PRLR: variants seen among roughly 807,000 people sequenced by gnomAD.
The protein encoded by PRLR is prolactin receptor, also known as hPRL receptor.
A neutral mutation model predicts 40.2 loss-of-function variants in PRLR; 13 were observed. That is an observed-to-expected ratio of 0.32 (90% CI 0.21 to 0.51). The LOEUF (loss-of-function observed/expected upper bound fraction) is 0.51. Among genes scored for constraint, PRLR ranks in the 20% least tolerant of loss-of-function variants. PRLR has a pLI of 0.97. For missense variants in PRLR, 656 were observed against 747.3 expected (o/e 0.88, Z 1.42); for synonymous variants, 269 against 278.7 (o/e 0.97, Z 0.35).
At chr5:35,109,294 G>T (rs1322503772) in intron 2 of PRLR, among the ~76,000 whole-genome samples, 3 of 152,144 alleles carry the variant, frequency 2.0e-5, no homozygotes, top group African/African-American at 7.2e-5. Context: ...TACCATTCAG[G>T]ATATAGGCAT....
At chr5:35,086,165 A>C (rs1030233149) in intron 4 of PRLR, 43 bp downstream of exon 4, 3 of 1,608,012 alleles carry the variant, frequency 1.9e-6, no homozygotes, top group Non-Finnish European at 2.6e-6. Context: ...GGAGAATGGG[A>C]GTACTCATGT....
chr5:35,160,189 AT>A (rs1774635076), intron 1 of PRLR, among the ~76,000 whole-genome samples: 1 of 152,268 alleles, frequency 6.6e-6, no homozygotes. Flanking sequence ...GTTGAAAACA[AT>A]TAAAAATGAA....
chr5:35,131,328 TAGGTTCAAG>T (rs796541909), intron 1 of PRLR, among the ~76,000 whole-genome samples: 12 of 152,192 alleles, frequency 7.9e-5, no homozygotes, highest in African/African-American at 2.9e-4. Flanking sequence ...GGGATGGCAC[TAGGTTCAAG>T]AGGCTGAAGA....
At chr5:35,117,587 A>T (rs896508808) in intron 2 of PRLR, among the ~76,000 whole-genome samples, 1 of 152,222 alleles carries the variant, frequency 6.6e-6, no homozygotes, top group Non-Finnish European at 1.5e-5. Context: ...CCTGTCACAC[A>T]TGAGTCCTGC....
chr5:35,178,737 CCAT>C (rs1043941623), intron 1 of PRLR, among the ~76,000 whole-genome samples: 15 of 152,028 alleles, frequency 9.9e-5, no homozygotes, highest in African/African-American at 3.1e-4. Context: ...TTTAGAAATA[CCAT>C]ATTTTTTAAA....
intron 1 of PRLR, 146 bp downstream of exon 1, chr5:35,230,122 C>G (rs1776661299): frequency 6.6e-6 from 1 of 152,180 alleles, no homozygotes. Flanking sequence ...TGGCTCCTGG[C>G]TGGCGTTCTC....
chr5:35,108,135 C>T (rs764705216), intron 2 of PRLR, among the ~76,000 whole-genome samples: 1 of 152,178 alleles, frequency 6.6e-6, no homozygotes, highest in Non-Finnish European at 1.5e-5. Flanking sequence ...ACATGATTAT[C>T]TCAATAGATG....
At chr5:35,144,140 A>C (rs1032990407) in intron 1 of PRLR, among the ~76,000 whole-genome samples, 1 of 151,578 alleles carries the variant, frequency 6.6e-6, no homozygotes, top group Middle Eastern at 3.2e-3. Context: ...AAAAAAAAAA[A>C]AACCCAGAAC....
chr5:35,221,658 A>C (rs892129961), intron 1 of PRLR, among the ~76,000 whole-genome samples: 1 of 152,224 alleles, frequency 6.6e-6, no homozygotes, highest in Admixed American at 6.5e-5. Context: ...ACGAATGTCC[A>C]GGCCCCTTCC....
intron 1 of PRLR, among the ~76,000 whole-genome samples, chr5:35,197,923 T>G (rs1775780338): frequency 6.6e-6 from 1 of 152,044 alleles, no homozygotes; most frequent in African/African-American, 2.4e-5. Flanking sequence ...GCCCAAGGAG[T>G]GATGCCCATC....
intron 3 of PRLR, 84 bp from the exon 4 acceptor site, chr5:35,086,424 T>C: frequency 1.3e-6 from 2 of 1,523,148 alleles, no homozygotes; most frequent in Admixed American, 1.8e-5. Context: ...AACAGATTGA[T>C]GGACCAAAGC....
At chr5:35,079,153 A>C (rs1579594835) in intron 5 of PRLR, among the ~76,000 whole-genome samples, 2 of 152,256 alleles carry the variant, frequency 1.3e-5, no homozygotes, top group Admixed American at 1.3e-4. Flanking sequence ...GTCACAAGAC[A>C]GGGATGCCAT....
intron 2 of PRLR, among the ~76,000 whole-genome samples, chr5:35,098,127 C>T (rs1284740265): frequency 6.6e-6 from 1 of 152,200 alleles, no homozygotes; most frequent in Non-Finnish European, 1.5e-5. Flanking sequence ...TATCCCACCT[C>T]AATCACTTTG....
At position 35,065,548 on chromosome 5, in the gene PRLR, C is replaced by G. The variant is rs62355478; in HGVS notation, c.1410G>C (p.Glu470Asp). ...KSSQTIKSREEGKATQQREVE... is the reference protein window; with the variant it reads ...KSSQTIKSREDGKATQQREVE... ...CCTCCCTCTGCTGGGTTGCCTTTCC[C>G]TCTTCTCTAGACTTAATGGTTTGAG... The change falls in exon 10 of 10, where the codon GAG (glutamate) becomes GAC (aspartate). Residue 470 changes from glutamate (E) to aspartate (D), a missense_variant. Around this residue, in one of 3 missense-constraint regions of PRLR, gnomAD observed 469 missense variants for 491.5 expected, o/e 0.95. Transcript: ENST00000618457. The G allele has an allele frequency of 1.2e-6, 2 of 1,614,136 alleles. No homozygotes were observed. The highest frequency in any genetic ancestry group is 2.2e-5 in the South Asian group (2 of 91,076).
chr5:35,172,365 T>C (rs1775024317), intron 1 of PRLR, among the ~76,000 whole-genome samples: 1 of 152,130 alleles, frequency 6.6e-6, no homozygotes, highest in Admixed American at 6.5e-5. Context: ...CAGGGAGGCT[T>C]GGTAGGAGGT....
rs372649639 is a variant in PRLR, at chr5:35,065,520, C to T, written c.1438G>A (p.Glu480Lys). 1 of 1,614,044 alleles carries T rather than the reference C, an allele frequency of 6.2e-7. No individual in the cohort carries two copies. Among genetic ancestry groups the T allele is most frequent in the Non-Finnish European group, 8.5e-7 (1 of 1,180,042 alleles). Residue 480 changes from glutamate to lysine, a missense_variant, in exon 10 of 10, where the codon GAA becomes AAA. Around this residue, in one of 3 missense-constraint regions of PRLR, gnomAD observed 469 missense variants for 491.5 expected, o/e 0.95. Coordinates refer to ENST00000618457, the MANE Select transcript of PRLR (RefSeq NM_000949.7). ...EGKATQQREV[E>K]SFHSETDQDT... is the part of the protein sequence containing the mutation. Reference sequence around the variant, plus strand: ...TGGTCAGTCTCAGAATGGAAGCTTTCTACCTCCCTCTGCTGGGTTGCCTTT... The same window carrying T: ...TGGTCAGTCTCAGAATGGAAGCTTTTTACCTCCCTCTGCTGGGTTGCCTTT...
In PRLR at chr5:35,061,350, A is replaced by G. The variant is rs958438941; in HGVS notation, c.*3739T>C. The G allele has an allele frequency of 1.3e-5, 2 of 152,188 alleles. No homozygotes were observed. The highest frequency in any genetic ancestry group is 4.8e-5 in the African/African-American group (2 of 41,440). The allele number at this position is 152,188 out of a possible 1,614,324, so 9.4% of individuals were successfully genotyped here. A position where few individuals can be genotyped will look rare whatever the true frequency, so the allele number is the denominator to read the frequency against. ...GACACTTGAGGAAAGAGAAAGCCAG[A>G]GTTTCCCCAGAGCTAAACTGCAACT... On this transcript the variant is annotated 3_prime_UTR_variant, in exon 10 of 10. Transcript: ENST00000618457.
intron 2 of PRLR, among the ~76,000 whole-genome samples, chr5:35,102,665 C>T (rs1304128019): frequency 6.6e-6 from 1 of 151,994 alleles, no homozygotes; most frequent in Non-Finnish European, 1.5e-5. Flanking sequence ...GTCTTAGCCT[C>T]CCGAGTAGCT....
intron 1 of PRLR, among the ~76,000 whole-genome samples, chr5:35,171,163 T>C (rs985913095): frequency 3.8e-4 from 57 of 151,772 alleles, no homozygotes; most frequent in African/African-American, 1.3e-3. Context: ...TCTGGAAAAA[T>C]CCTGCCATAA....
Sources: gnomAD v4.1 joint callset for allele counts (sites outside exome capture counted in the v4.1 genomes callset) on GRCh38, gnomAD v4.1.1 for gene constraint, gnomAD v4.1.1 regional missense constraint, MANE v1.5 for transcripts, NCBI Gene and HGNC (gene_info 2026-07-23, HGNC 2026-07-21) for gene names.